LNX1: variants seen among roughly 807,000 people sequenced by gnomAD.
LNX1 encodes E3 ubiquitin-protein ligase LNX.
A neutral mutation model predicts 68.4 loss-of-function variants in LNX1; 54 were observed. That is an observed-to-expected ratio of 0.79 (90% confidence interval 0.63 to 0.99). LNX1 has a LOEUF of 0.99. Among genes scored for constraint, LNX1 ranks in the 50% least tolerant of loss-of-function variants. LNX1 has a pLI of 0.00. For synonymous variants in LNX1, 336 were observed against 350.0 expected, an observed-to-expected ratio of 0.96 and a Z score of 0.45; for missense variants, 906 against 926.4, an observed-to-expected ratio of 0.98 and a Z score of 0.29.
At chr4:53,625,679 C>T (rs1479973325) in intron 1 of LNX1, among the ~76,000 whole-genome samples, 1 of 152,048 alleles carries the variant, frequency 6.6e-6, no homozygotes, top group Non-Finnish European at 1.5e-5. Context: ...TGATGGCATG[C>T]ACTTGTGGTC....
At chr4:53,592,079 C>T (rs1732534555), upstream of LNX1, among the ~76,000 whole-genome samples, 1 of 152,006 alleles carries the variant, frequency 6.6e-6, no homozygotes, top group African/African-American at 2.4e-5. Context: ...AACACTTTTG[C>T]GCTACCCCCT....
chr4:53,569,199 T>G (rs1367459351), intron 2 of LNX1, among the ~76,000 whole-genome samples: 1 of 152,084 alleles, frequency 6.6e-6, no homozygotes, highest in African/African-American at 2.4e-5. Context: ...GAGCCCCCAT[T>G]GCCAAGTCAA....
At chr4:53,481,497 C>A (rs1467297308) in intron 7 of LNX1, among the ~76,000 whole-genome samples, 1 of 152,212 alleles carries the variant, frequency 6.6e-6, no homozygotes, top group East Asian at 1.9e-4. Flanking sequence ...TCTGCATGAT[C>A]AGGTTTCAAA....
chr4:53,552,975 G>A (rs1306885730), intron 2 of LNX1, among the ~76,000 whole-genome samples: 2 of 152,138 alleles, frequency 1.3e-5, no homozygotes, highest in Admixed American at 6.5e-5. Context: ...GTATCATTAT[G>A]AGCAAGGTCA....
At chr4:53,557,974 CA>C (rs1486466938) in intron 2 of LNX1, 2 of 1,613,522 alleles carry the variant, frequency 1.2e-6, no homozygotes, top group Admixed American at 3.3e-5. Flanking sequence ...ATTCTCCGAG[CA>C]GTGTGCTGCC....
rs141694542 is a variant in LNX1 at position 53,636,500 on chromosome 4, T to G, written c.-215+15668A>C. On this transcript the variant is annotated intron_variant, in intron 1 of 2. Transcript: ENST00000507168. Reference sequence around the variant, plus strand: ...CTGAGGCAGAAGGGCTTGAGTGACCTTAAGCAAATCATTTCACCTTCAAGT... The same window carrying G: ...CTGAGGCAGAAGGGCTTGAGTGACCGTAAGCAAATCATTTCACCTTCAAGT... Among the ~76,000 whole-genome samples the G allele has an allele frequency of 1.4e-3, 220 of 152,232 alleles. 1 individual carries two copies. Among genetic ancestry groups the G allele is most frequent in the African/African-American group, 5.0e-3 (206 of 41,554 alleles).
chr4:53,560,088 G>T (rs189644651), intron 2 of LNX1, among the ~76,000 whole-genome samples: 9 of 152,266 alleles, frequency 5.9e-5, no homozygotes, highest in African/African-American at 2.2e-4. Flanking sequence ...GAAGTGACAT[G>T]TTATAGTCTT....
At chr4:53,495,930 G>A (rs1362723924) in intron 6 of LNX1, 93 bp downstream of exon 6, 55 of 1,421,440 alleles carry the variant, frequency 3.9e-5, no homozygotes, top group Non-Finnish European at 5.2e-5. Flanking sequence ...CATGACACAT[G>A]TGGTAGTGAC....
intron 1 of LNX1, among the ~76,000 whole-genome samples, chr4:53,626,760 A>G (rs562746208): frequency 6.6e-6 from 1 of 151,856 alleles, no homozygotes; most frequent in Non-Finnish European, 1.5e-5. Context: ...ATCCAAGGAA[A>G]GCTCCAGGGT....
In LNX1 at chr4:53,488,171, C is replaced by T; in HGVS notation, c.1351-6317G>A. Among the ~76,000 whole-genome samples, 2 of 152,210 alleles carry T rather than the reference C, an allele frequency of 1.3e-5. 1 individual carries two copies. The highest frequency in any genetic ancestry group is 2.9e-5 in the Non-Finnish European group (2 of 68,038). ...TTGTCACCCAGTTCATGCTTCAGTA[C>T]CCCCAATGACAGGGAGCTCACTGTG... On this transcript the variant is annotated intron_variant, in intron 6 of 10. Transcript: ENST00000263925.
chr4:53,642,706 C>T (rs147530768), intron 1 of LNX1, among the ~76,000 whole-genome samples: 662 of 152,302 alleles, frequency 4.3e-3, no homozygotes, highest in Middle Eastern at 0.024. Flanking sequence ...GCTCTACTCA[C>T]CAAAATCAGC....
At chr4:53,610,561 A>G (rs1733437364) in intron 2 of LNX1, among the ~76,000 whole-genome samples, 1 of 151,944 alleles carries the variant, frequency 6.6e-6, no homozygotes, top group Admixed American at 6.6e-5. Context: ...CAAAAAAATT[A>G]GCCGGGCGTG....
intron 2 of LNX1, among the ~76,000 whole-genome samples, chr4:53,537,629 T>C (rs562901842): frequency 1.3e-3 from 193 of 152,372 alleles, no homozygotes; most frequent in African/African-American, 4.5e-3. Flanking sequence ...AGGGCTCTCC[T>C]GCCAGGCTTG....
intron 2 of LNX1, among the ~76,000 whole-genome samples, chr4:53,604,732 A>G (rs1191221820): frequency 1.3e-5 from 2 of 152,240 alleles, no homozygotes; most frequent in Non-Finnish European, 2.9e-5. Context: ...TGTTTCTCAT[A>G]TAATGAACTA....
chr4:53,508,244 G>C lies in LNX1; in HGVS notation c.381-17C>G, dbSNP rs548798584. The C allele has an allele frequency of 2.5e-6, 4 of 1,607,626 alleles. No homozygotes were observed. The highest frequency in any genetic ancestry group is 1.1e-5 in the South Asian group (1 of 90,934). The stretch of plus-strand genomic sequence containing the variant: ...CCTTTACAGCTGTAACAGAACCAGC[G>C]GGGAGGTGAAGAAGAGCTTTGGCTC... On this transcript the variant is annotated splice_polypyrimidine_tract_variant and intron_variant, in intron 2 of 10. Coordinates refer to ENST00000263925, the MANE Select transcript of LNX1 (RefSeq NM_001126328.3).
intron 2 of LNX1, among the ~76,000 whole-genome samples, chr4:53,517,406 T>TTGC (rs1016652875): frequency 2.0e-4 from 30 of 152,178 alleles, no homozygotes; most frequent in Middle Eastern, 3.2e-3. Flanking sequence ...ACAGTTCCAC[T>TTGC]TGCACTCCCT....
At chr4:53,532,542 C>A (rs1728091932) in intron 2 of LNX1, among the ~76,000 whole-genome samples, 1 of 152,154 alleles carries the variant, frequency 6.6e-6, no homozygotes, top group Non-Finnish European at 1.5e-5. Context: ...TCCATAAAGA[C>A]CCTGCAAAAG....
At chr4:53,557,483 C>T (rs747592531) in intron 2 of LNX1, among the ~76,000 whole-genome samples, 10 of 152,056 alleles carry the variant, frequency 6.6e-5, no homozygotes, top group East Asian at 1.9e-4. Context: ...AATAAAGGGA[C>T]GATGCCTGCT....
intron 2 of LNX1, among the ~76,000 whole-genome samples, chr4:53,567,692 T>C (rs142478177): frequency 0.042 from 6,334 of 152,174 alleles, 196 homozygotes; most frequent in Middle Eastern, 0.065. Flanking sequence ...CTTCAAAAAA[T>C]TGATGAATCC....
Sources: allele counts gnomAD v4.1 joint callset (sites outside exome capture counted in the v4.1 genomes callset), GRCh38; gene constraint gnomAD v4.1.1; transcripts MANE v1.5; gene names NCBI Gene and HGNC (gene_info 2026-07-23, HGNC 2026-07-21).